The following TRNAU1AP variants were observed in gnomAD, a reference collection of about 807,000 sequenced individuals.
TRNAU1AP encodes the protein tRNA selenocysteine 1 associated protein 1, also known as tRNA selenocysteine 1-associated protein 1.
TRNAU1AP carries 33 observed loss-of-function variants against 43.3 expected under a neutral mutation model. The ratio of observed to expected loss-of-function variants is 0.76; its 90% CI spans 0.58 to 1.02. The LOEUF (loss-of-function observed/expected upper bound fraction) is 1.02. Among genes scored for constraint, TRNAU1AP ranks in the 50% least tolerant of loss-of-function variants. TRNAU1AP has a pLI of 0.00. For missense variants in TRNAU1AP, 290 were observed against 362.7 expected, an observed-to-expected ratio of 0.80 and a Z score of 1.63; for synonymous variants, 143 against 129.1, an observed-to-expected ratio of 1.11 and a Z score of -0.73.
rs534076671 is a variant in TRNAU1AP, at chr1:28,553,536, C to A, written c.28-104C>A. 673 of 1,112,426 alleles carry A rather than the reference C, an allele frequency of 6.0e-4. 2 individuals carry two copies. The African/African-American group carries it at 9.1e-3, about 15-fold the overall frequency. 68.9% of individuals were successfully genotyped at this position (1,112,426 alleles called of 1,614,324 possible). A position where few individuals can be genotyped will look rare whatever the true frequency, so the allele number is the denominator to read the frequency against. ...GAGGCGAACCTCGCCCCTCGCTCCCCCAGCGGCGCGTAGCCAGCCCTGGGC... is the reference window on the plus strand; with the variant it reads ...GAGGCGAACCTCGCCCCTCGCTCCCACAGCGGCGCGTAGCCAGCCCTGGGC... On this transcript the variant is annotated intron_variant, in intron 1 of 8. Transcript: ENST00000373830.
chr1:28,558,401 T>G (rs904643496), intron 2 of TRNAU1AP, among the ~76,000 whole-genome samples: 2 of 150,888 alleles, frequency 1.3e-5, no homozygotes, highest in South Asian at 4.2e-4. Flanking sequence ...ATTTTTTTTT[T>G]GTTTGTTTTT....
intron 2 of TRNAU1AP, among the ~76,000 whole-genome samples, chr1:28,556,322 G>T (rs529377295): frequency 5.9e-5 from 9 of 151,748 alleles, no homozygotes; most frequent in African/African-American, 2.2e-4. Context: ...AAATTAGCCA[G>T]GTGTGGTGAG....
At chr1:28,567,467 C>G in intron 6 of TRNAU1AP, 54 bp downstream of exon 6, 1 of 1,531,196 alleles carries the variant, frequency 6.5e-7, no homozygotes, top group African/African-American at 1.4e-5. Flanking sequence ...AGACACTCCT[C>G]TTTTGTTTGC....
intron 2 of TRNAU1AP, among the ~76,000 whole-genome samples, chr1:28,555,857 CTT>C (rs374688110): frequency 3.9e-5 from 5 of 126,594 alleles, no homozygotes; most frequent in Non-Finnish European, 6.9e-5. Flanking sequence ...ATTTTTTTTT[CTT>C]TTTTTTTTTT....
At position 28,577,547 on chromosome 1, in the gene TRNAU1AP, G is replaced by T; in HGVS notation, c.775G>T (p.Glu259Ter). The change falls in exon 9 of 9, where the codon GAA becomes TAA. Residue 259 changes from glutamate to a stop codon, truncating the protein, a stop_gained. Transcript: ENST00000373830. LOFTEE classifies it high-confidence loss of function. ...GACTGAGGCCAACAAGGAGTTCATG[G>T]AACAGAGTGAGGAGCTGTATGACGC... ...DVTEANKEFM[E>*]QSEELYDALM... 1 of 1,614,088 alleles carries T rather than the reference G, an allele frequency of 6.2e-7. No individual in the cohort carries two copies. The highest frequency in any genetic ancestry group is 8.5e-7 in the Non-Finnish European group (1 of 1,180,002).
At chr1:28,560,482 A>C (rs140742910) in intron 2 of TRNAU1AP, 151 bp from the exon 3 acceptor site, 55 of 595,860 alleles carry the variant, frequency 9.2e-5, no homozygotes, top group Admixed American at 1.6e-4. Context: ...GTGTTTCAGC[A>C]TGTTGTCCAG....
intron 4 of TRNAU1AP, among the ~76,000 whole-genome samples, chr1:28,562,897 CTT>C (rs780392283): frequency 1.4e-4 from 17 of 118,558 alleles, no homozygotes; most frequent in Admixed American, 1.8e-4. Flanking sequence ...TTTGTGTATT[CTT>C]TTTTTTTTTT....
chr1:28,556,569 T>TGGCACCATCTTGGCTCACTGCAAC, intron 2 of TRNAU1AP, among the ~76,000 whole-genome samples: 1 of 148,174 alleles, frequency 6.7e-6, no homozygotes, highest in Non-Finnish European at 1.5e-5. Flanking sequence ...TGAAGTGCAA[T>TGGCACCATCTTGGCTCACTGCAAC]GGCACCATCT....
chr1:28,565,822 A>G (rs1570252946), intron 5 of TRNAU1AP: 1 of 150,148 alleles, frequency 6.7e-6, no homozygotes, highest in Middle Eastern at 3.4e-3. Flanking sequence ...AAATCGAAGA[A>G]CCTCAAGAAA....
At chr1:28,576,845 C>T (rs372833930) in intron 8 of TRNAU1AP, among the ~76,000 whole-genome samples, 6 of 152,224 alleles carry the variant, frequency 3.9e-5, no homozygotes, top group African/African-American at 9.6e-5. Flanking sequence ...GTGATCTGCC[C>T]GCCTCGACCT....
In TRNAU1AP at chr1:28,563,767, G is replaced by A. The variant is rs551229288; in HGVS notation, c.279-936G>A. On this transcript the variant is annotated intron_variant, in intron 4 of 8. Coordinates refer to ENST00000373830, the MANE Select transcript of TRNAU1AP (RefSeq NM_017846.5). ...CTTGGGCGGCTGAGGCAAGAGAATC[G>A]CTTAAACCCAGAAGGCAGAGGTTGC... 5.3e-4 allele frequency among the ~76,000 whole-genome samples: 81 copies of A among 152,030 alleles called. 2 individuals carry two copies. In the South Asian group the frequency reaches 0.016, roughly 30 times the overall value.
chr1:28,562,556 G>A (rs529312844), intron 4 of TRNAU1AP, among the ~76,000 whole-genome samples: 23 of 151,386 alleles, frequency 1.5e-4, no homozygotes, highest in African/African-American at 4.6e-4. Flanking sequence ...TTGAGTTATA[G>A]CAATTTTATT....
intron 4 of TRNAU1AP, among the ~76,000 whole-genome samples, chr1:28,563,670 C>T (rs1212566578): frequency 2.0e-5 from 3 of 147,420 alleles, no homozygotes; most frequent in South Asian, 4.3e-4. Context: ...GGGGACAGAG[C>T]GAGACTCCGT....
intron 4 of TRNAU1AP, among the ~76,000 whole-genome samples, chr1:28,564,126 C>T (rs919083617): frequency 2.3e-4 from 35 of 152,122 alleles, no homozygotes; most frequent in Middle Eastern, 3.4e-3. Context: ...ATTAGCTGGG[C>T]GTGGTGGTGC....
intron 8 of TRNAU1AP, chr1:28,574,664 A>G (rs1008680387): frequency 1.3e-5 from 2 of 152,152 alleles, no homozygotes; most frequent in African/African-American, 4.8e-5. Flanking sequence ...TCGGCCTTCC[A>G]AAGTGCTGGC....
intron 2 of TRNAU1AP, among the ~76,000 whole-genome samples, chr1:28,557,909 T>TC (rs1292721152): frequency 1.4e-5 from 2 of 139,686 alleles, no homozygotes; most frequent in African/African-American, 5.9e-5. Flanking sequence ...ATTTTTTTTT[T>TC]TTTGGTTTGA....
In TRNAU1AP at chr1:28,577,646, A is replaced by C; in HGVS notation, c.*10A>C. On this transcript the variant is annotated 3_prime_UTR_variant, in exon 9 of 9. Coordinates refer to ENST00000373830, the MANE Select transcript of TRNAU1AP (RefSeq NM_017846.5). Reference sequence around the variant, plus strand: ...CCCTGCCATGATGTAGCCAGGCCAAAGGACAAGCCAGGTTGCATGATGTGA... The same window carrying C: ...CCCTGCCATGATGTAGCCAGGCCAACGGACAAGCCAGGTTGCATGATGTGA... The C allele has an allele frequency of 6.2e-7, 1 of 1,610,868 alleles. No homozygotes were observed. Among genetic ancestry groups the C allele is most frequent in the Non-Finnish European group, 8.5e-7 (1 of 1,178,662 alleles).
intron 6 of TRNAU1AP, among the ~76,000 whole-genome samples, chr1:28,568,843 GCTCTTTTGCC>G (rs1267071088): frequency 1.4e-5 from 2 of 141,702 alleles, no homozygotes; most frequent in African/African-American, 5.3e-5. Flanking sequence ...ATGGTGTCTT[GCTCTTTTGCC>G]CATGCTGGAA....
intron 2 of TRNAU1AP, among the ~76,000 whole-genome samples, chr1:28,558,200 C>T (rs1242515526): frequency 6.7e-6 from 1 of 149,726 alleles, no homozygotes; most frequent in African/African-American, 2.5e-5. Flanking sequence ...CCCAGCCCGC[C>T]CTGCTAATTT....
Sources: gnomAD v4.1 joint callset for allele counts (sites outside exome capture counted in the v4.1 genomes callset) on GRCh38, gnomAD v4.1.1 for gene constraint, MANE v1.5 for transcripts, NCBI Gene and HGNC (gene_info 2026-07-23, HGNC 2026-07-21) for gene names.